NAV1: variants seen among roughly 807,000 people sequenced by gnomAD.
The protein encoded by NAV1 is neuron navigator 1.
In NAV1, 18 loss-of-function variants were observed where a neutral mutation model predicts 175.2. The observed-to-expected ratio is 0.10, with a 90% confidence interval of 0.07 to 0.15. The LOEUF is 0.15. NAV1 is among the 10% of genes least tolerant of loss of function. The probability of loss-of-function intolerance (pLI) is 1.00; values close to 1 mark genes in which losing one functional copy is unlikely to be tolerated. For missense variants in NAV1, 1,731 were observed against 2,436.6 expected, an observed-to-expected ratio of 0.71 and a Z score of 6.10; for synonymous variants, 897 against 978.7, an observed-to-expected ratio of 0.92 and a Z score of 1.56.
upstream of NAV1, among the ~76,000 whole-genome samples, chr1:201,621,498 A>AT (rs747383757): frequency 6.0e-5 from 9 of 151,104 alleles, no homozygotes; most frequent in Non-Finnish European, 8.9e-5. Context: ...CGCCTGGCTA[A>AT]TTTTTGTATT....
intron 17 of NAV1, among the ~76,000 whole-genome samples, chr1:201,804,778 A>C (rs1328003151): frequency 6.6e-6 from 1 of 152,132 alleles, no homozygotes; most frequent in Non-Finnish European, 1.5e-5. Context: ...CCTGTTACAA[A>C]ATTGGCCTGT....
intron 15 of NAV1, among the ~76,000 whole-genome samples, chr1:201,802,136 C>CAAAAAAAA (rs771631007): frequency 9.4e-4 from 19 of 20,308 alleles, no homozygotes; most frequent in Non-Finnish European, 1.8e-3. Context: ...GACTCCGTCT[C>CAAAAAAAA]AAAAAAAAAA....
chr1:201,680,060 A>G (rs1170199550), intron 1 of NAV1, among the ~76,000 whole-genome samples: 2 of 152,240 alleles, frequency 1.3e-5, no homozygotes, highest in Admixed American at 1.3e-4. Flanking sequence ...GAAAACAGGC[A>G]TATTTGGCTC....
chr1:201,642,566 C>CT (rs1558031829), intron 2 of NAV1, among the ~76,000 whole-genome samples: 2 of 38,116 alleles, frequency 5.2e-5, no homozygotes, highest in Non-Finnish European at 1.0e-4. Context: ...TTTTCCCTTT[C>CT]TTCCCTTCCT....
At chr1:201,786,166 G>T (rs181120602) in intron 8 of NAV1, among the ~76,000 whole-genome samples, 10 of 152,210 alleles carry the variant, frequency 6.6e-5, no homozygotes, top group Admixed American at 6.5e-4. Flanking sequence ...AAGTTCTAAT[G>T]CCTCCTCCAT....
chr1:201,693,094 A>C (rs2007411), intron 1 of NAV1, among the ~76,000 whole-genome samples: 1 of 151,970 alleles, frequency 6.6e-6, no homozygotes, highest in Non-Finnish European at 1.5e-5. Flanking sequence ...TGGGTGGAGG[A>C]GGTGCCATCT....
chr1:201,560,523 T>C (rs899423009), intron 1 of NAV1, among the ~76,000 whole-genome samples: 4 of 152,140 alleles, frequency 2.6e-5, no homozygotes, highest in African/African-American at 9.7e-5. Context: ...TGACCCTGCA[T>C]CCGGGGTGTT....
At chr1:201,710,248 T>C (rs946348362) in intron 1 of NAV1, among the ~76,000 whole-genome samples, 1 of 151,974 alleles carries the variant, frequency 6.6e-6, no homozygotes, top group Non-Finnish European at 1.5e-5. Context: ...TTTTAAAAAA[T>C]TGTGGTAGCA....
chr1:201,731,250 T>C (rs1672848247), intron 3 of NAV1, among the ~76,000 whole-genome samples: 1 of 151,904 alleles, frequency 6.6e-6, no homozygotes, highest in South Asian at 2.1e-4. Flanking sequence ...ACAGATACTG[T>C]GTGAGACCCA....
chr1:201,720,285 G>T lies in NAV1; in HGVS notation c.1226+1530G>T, dbSNP rs532972151. Among the ~76,000 whole-genome samples, 72 of 152,340 alleles carry T rather than the reference G, an allele frequency of 4.7e-4. No homozygotes were observed. In the South Asian group the frequency reaches 0.014, roughly 31 times the overall value. On this transcript the variant is annotated intron_variant, in intron 3 of 29. Coordinates refer to ENST00000367296, the Ensembl canonical transcript of NAV1. ...GAATCCCAGGAGGGTGCAGAGGGTG[G>T]CACAAGCCCTGCGGGGCTGAGTCTT...
intron 15 of NAV1, chr1:201,795,168 C>T (rs1394597301): frequency 6.6e-6 from 1 of 152,432 alleles, no homozygotes; most frequent in African/African-American, 2.4e-5. Flanking sequence ...TTTTATTCCA[C>T]TACCAGTGAT....
Position 201,598,423 on chromosome 1 carries a change from C to T in NAV1, c.-33+9774C>T, listed in dbSNP as rs761285020. ...CCCGTAGGAGGGTCGTTATCAGAAC[C>T]ACAATTCGATCAGGTCTTTTTGGCC... On this transcript the variant is annotated intron_variant, in intron 2 of 33. Transcript: ENST00000685211. 3.2e-4 allele frequency among the ~76,000 whole-genome samples: 48 copies of T among 152,154 alleles called. 1 individual carries two copies. The highest frequency in any genetic ancestry group is 9.7e-5 in the African/African-American group (4 of 41,438).
At chr1:201,544,318 A>G (rs1665604898) in intron 1 of NAV1, among the ~76,000 whole-genome samples, 1 of 152,216 alleles carries the variant, frequency 6.6e-6, no homozygotes, top group African/African-American at 2.4e-5. Context: ...ACAGCTTTCA[A>G]TGACGCAATT....
At chr1:201,817,309 A>G (rs1679101950) in intron 29 of NAV1, 24 bp downstream of exon 33, 4 of 1,609,234 alleles carry the variant, frequency 2.5e-6, no homozygotes, top group Non-Finnish European at 2.5e-6. Context: ...ATTCTAGAGT[A>G]AAAATAAGAC....
In NAV1 at chr1:201,808,428, C is replaced by G. The variant is rs140019718; in HGVS notation, c.3856C>G (p.His1286Asp). 6.2e-7 allele frequency: 1 copy of G among 1,611,828 alleles called. No homozygotes were observed. Among genetic ancestry groups the G allele is most frequent in the African/African-American group, 1.3e-5 (1 of 74,976 alleles). ...CTTGCTATCTTACAGGGGCCCTGCT[C>G]ACCCAGCCCCCCACACTAGGCTGTT... Residue 1286 changes from histidine (H) to aspartate (D), a missense_variant, in exon 19 of 30, where the codon CAC becomes GAC. Physicochemically the swap from His to Asp is moderately conservative, Grantham distance 81 (BLOSUM62 -1). Transcript: ENST00000367296. The surrounding 1 kb of genome is among the most constrained non-coding windows in gnomAD (Gnocchi z 5.5).
intron 1 of NAV1, among the ~76,000 whole-genome samples, chr1:201,655,863 G>A (rs536278008): frequency 1.3e-4 from 19 of 151,416 alleles, no homozygotes; most frequent in Non-Finnish European, 2.2e-4. Context: ...TTTTTTCTCA[G>A]ACTTGATGCC....
At position 201,768,834 on chromosome 1, in the gene NAV1, T is replaced by C. The variant is rs979134662; in HGVS notation, c.1227-11587T>C. On this transcript the variant is annotated intron_variant, in intron 3 of 29. Coordinates refer to ENST00000367296, the Ensembl canonical transcript of NAV1. Reference sequence around the variant, plus strand: ...TTAACATAATACATTTTATCATAGATAGCAAGAGTATTCTTAAAGTAGCAA... The same window carrying C: ...TTAACATAATACATTTTATCATAGACAGCAAGAGTATTCTTAAAGTAGCAA... Among the ~76,000 whole-genome samples the C allele has an allele frequency of 3.3e-5, 5 of 152,150 alleles. No individual in the cohort carries two copies. In the South Asian group the frequency reaches 1.0e-3, roughly 32 times the overall value.
intron 29 of NAV1, among the ~76,000 whole-genome samples, chr1:201,818,937 A>T (rs1036976797): frequency 6.6e-6 from 1 of 152,170 alleles, no homozygotes; most frequent in Non-Finnish European, 1.5e-5. Context: ...GACAGAAGAG[A>T]ATTGTGGAGA....
intron 1 of NAV1, among the ~76,000 whole-genome samples, chr1:201,550,128 A>C (rs1665811389): frequency 6.6e-6 from 1 of 151,926 alleles, no homozygotes; most frequent in Non-Finnish European, 1.5e-5. Context: ...ATCCCACATG[A>C]ATTGCTAAAT....
Sources: allele counts gnomAD v4.1 joint callset (sites outside exome capture counted in the v4.1 genomes callset), GRCh38; gene constraint gnomAD v4.1.1; non-coding constraint Gnocchi (gnomAD v3.1); transcripts MANE v1.5; gene names NCBI Gene and HGNC (gene_info 2026-07-23, HGNC 2026-07-21).